PDE4D: variants seen among roughly 807,000 people sequenced by gnomAD.
The protein encoded by PDE4D is 3',5'-cyclic-AMP phosphodiesterase 4D.
A neutral mutation model predicts 87.4 loss-of-function variants in PDE4D; 24 were observed. The observed-to-expected ratio is 0.27, with a 90% CI of 0.20 to 0.39. PDE4D has a LOEUF of 0.39. Ranked by LOEUF, PDE4D falls within the 10% of genes least tolerant of loss-of-function variation. The probability of loss-of-function intolerance (pLI) is 1.00; values close to 1 mark genes in which losing one functional copy is unlikely to be tolerated. For synonymous variants in PDE4D, 384 were observed against 383.2 expected, an observed-to-expected ratio of 1.00 and a Z score of -0.02; for missense variants, 714 against 1,041.0, an observed-to-expected ratio of 0.69 and a Z score of 4.32.
At chr5:59,655,102 G>T (rs1270833196) in intron 1 of PDE4D, among the ~76,000 whole-genome samples, 1 of 150,878 alleles carries the variant, frequency 6.6e-6, no homozygotes, top group East Asian at 1.9e-4. Flanking sequence ...ACAATTTGAG[G>T]AACTACAATA....
intron 1 of PDE4D, among the ~76,000 whole-genome samples, chr5:59,752,840 A>G (rs1425135032): frequency 1.3e-5 from 2 of 152,170 alleles, no homozygotes; most frequent in Non-Finnish European, 2.9e-5. Flanking sequence ...ACAATAACAC[A>G]TAGGGTTGCA....
chr5:59,811,088 A>AAGCAGAGAGAAGGAAAGTGAT (rs1306552623), intron 1 of PDE4D, among the ~76,000 whole-genome samples: 1 of 152,200 alleles, frequency 6.6e-6, no homozygotes, highest in Non-Finnish European at 1.5e-5. Context: ...CTCAAGGAGA[A>AAGCAGAGAGAAGGAAAGTGAT]AGCAGAGAGA....
chr5:59,323,505 G>A (rs974526806), intron 1 of PDE4D, among the ~76,000 whole-genome samples: 1 of 151,894 alleles, frequency 6.6e-6, no homozygotes, highest in African/African-American at 2.4e-5. Context: ...CTTCTTCTTT[G>A]GATATCCTAA....
intron 1 of PDE4D, among the ~76,000 whole-genome samples, chr5:59,833,434 A>G (rs1220054693): frequency 6.6e-6 from 1 of 152,056 alleles, no homozygotes; most frequent in African/African-American, 2.4e-5. Context: ...GAAAGAGTCA[A>G]CAGTAAATCA....
intron 6 of PDE4D, among the ~76,000 whole-genome samples, chr5:59,011,760 C>T (rs1022388196): frequency 6.6e-6 from 1 of 152,136 alleles, no homozygotes; most frequent in Admixed American, 6.5e-5. Context: ...AATTCCCCAA[C>T]CTAGCAAGGC....
intron 2 of PDE4D, among the ~76,000 whole-genome samples, chr5:60,153,374 G>C (rs2149445900): frequency 6.6e-6 from 1 of 152,222 alleles, no homozygotes; most frequent in Middle Eastern, 3.4e-3. Context: ...AAGAAAAGAA[G>C]TGTTAGTAAG....
intron 5 of PDE4D, among the ~76,000 whole-genome samples, chr5:59,140,080 A>G (rs1049097871): frequency 6.6e-6 from 1 of 152,228 alleles, no homozygotes; most frequent in Non-Finnish European, 1.5e-5. Flanking sequence ...GAAGGCACAT[A>G]AGGGTAAAAT....
chr5:59,335,759 A>G (rs1777545644), intron 1 of PDE4D, among the ~76,000 whole-genome samples: 1 of 152,228 alleles, frequency 6.6e-6, no homozygotes, highest in Non-Finnish European at 1.5e-5. Context: ...ACTGCCTTTC[A>G]TGTCCCTATC....
At chr5:59,253,382 A>T (rs1267608864) in intron 1 of PDE4D, among the ~76,000 whole-genome samples, 1 of 152,146 alleles carries the variant, frequency 6.6e-6, no homozygotes, top group Non-Finnish European at 1.5e-5. Context: ...TTCATAAACA[A>T]ATACTTCAGG....
At chr5:60,434,457 G>T (rs1443447330) in intron 1 of PDE4D, among the ~76,000 whole-genome samples, 1 of 151,790 alleles carries the variant, frequency 6.6e-6, no homozygotes. Context: ...TAATATTTGT[G>T]TGTTTTAAAA....
intron 1 of PDE4D, among the ~76,000 whole-genome samples, chr5:59,561,414 A>G (rs187565878): frequency 1.3e-5 from 2 of 152,334 alleles, no homozygotes; most frequent in African/African-American, 4.8e-5. Flanking sequence ...GTTCCTTGTT[A>G]AAAGTATTCA....
chr5:60,030,489 G>A (rs1305315430), intron 2 of PDE4D, among the ~76,000 whole-genome samples: 1 of 152,146 alleles, frequency 6.6e-6, no homozygotes, highest in Non-Finnish European at 1.5e-5. Context: ...AAAAACAAGA[G>A]TTGGTTAATA....
intron 11 of PDE4D, among the ~76,000 whole-genome samples, chr5:58,986,469 G>A (rs1456776584): frequency 2.6e-5 from 4 of 151,356 alleles, no homozygotes; most frequent in Admixed American, 1.3e-4. Context: ...GAACTGGGCT[G>A]CACAGCAGGA....
At chr5:59,108,894 G>C (rs893281139) in intron 5 of PDE4D, among the ~76,000 whole-genome samples, 2 of 127,500 alleles carry the variant, frequency 1.6e-5, no homozygotes, top group African/African-American at 3.1e-5. Context: ...GTGACAGAGT[G>C]AGATTCCTTC....
chr5:60,009,534 G>A (rs1764811571), intron 2 of PDE4D, among the ~76,000 whole-genome samples: 1 of 151,982 alleles, frequency 6.6e-6, no homozygotes, highest in African/African-American at 2.4e-5. Context: ...GAGCTATATA[G>A]AATGTTAGCG....
At chr5:59,655,369 G>A (rs1348153136) in intron 1 of PDE4D, among the ~76,000 whole-genome samples, 17 of 152,094 alleles carry the variant, frequency 1.1e-4, no homozygotes. Context: ...ATTCCTTGAA[G>A]GTAGAAGCAC....
intron 1 of PDE4D, among the ~76,000 whole-genome samples, chr5:59,554,417 A>T (rs1818581462): frequency 1.3e-5 from 2 of 152,098 alleles, no homozygotes; most frequent in Non-Finnish European, 2.9e-5. Flanking sequence ...ATGGCAAGTG[A>T]CCAGGCCAGA....
In PDE4D at chr5:60,337,384, T is replaced by TACACAC. The variant is rs1231392851; in HGVS notation, c.-90+150557_-90+150558insGTGTGT. Among the ~76,000 whole-genome samples the TACACAC allele has an allele frequency of 6.4e-3, 641 of 100,266 alleles. 11 individuals are homozygous for TACACAC. The highest frequency in any genetic ancestry group is 0.022 in the African/African-American group (555 of 25,666). 65.8% of individuals were successfully genotyped at this position (100,266 alleles called of 152,430 possible). A position where few individuals can be genotyped will look rare whatever the true frequency, so the allele number is the denominator to read the frequency against. On this transcript the variant is annotated intron_variant, in intron 1 of 16. Transcript: ENST00000502484. Reference sequence around the variant, plus strand: ...ATATATATATATATATATATATATATATATACACACACACACACACACATA... The same window carrying TACACAC: ...ATATATATATATATATATATATATATACACACATATACACACACACACACACACATA...
At chr5:59,774,468 C>A (rs1044443504) in intron 1 of PDE4D, among the ~76,000 whole-genome samples, 2 of 151,984 alleles carry the variant, frequency 1.3e-5, no homozygotes, top group Non-Finnish European at 2.9e-5. Flanking sequence ...AAATATATGT[C>A]TTGATTTACA....
Sources: allele counts gnomAD v4.1 joint callset (sites outside exome capture counted in the v4.1 genomes callset), GRCh38; gene constraint gnomAD v4.1.1; transcripts MANE v1.5; gene names NCBI Gene and HGNC (gene_info 2026-07-23, HGNC 2026-07-21).